Variants in SLC46A3 observed in about 807,000 individuals in gnomAD.
The protein encoded by SLC46A3 is lysosomal proton-coupled steroid conjugate and bile acid symporter SLC46A3.
SLC46A3 carries 26 observed loss-of-function variants against 38.5 expected under a neutral mutation model. The ratio of observed to expected loss-of-function variants is 0.68; its 90% CI spans 0.49 to 0.94. The LOEUF (loss-of-function observed/expected upper bound fraction) is 0.94. Among genes scored for constraint, SLC46A3 ranks in the 40% least tolerant of loss-of-function variants. The pLI, the probability that SLC46A3 is intolerant of heterozygous loss-of-function variation, is 0.00. For missense variants in SLC46A3, 510 were observed against 544.3 expected, an observed-to-expected ratio of 0.94 and a Z score of 0.63; for synonymous variants, 185 against 192.5, an observed-to-expected ratio of 0.96 and a Z score of 0.32.
intron 4 of SLC46A3, among the ~76,000 whole-genome samples, chr13:28,707,623 G>A (rs184721608): frequency 5.3e-4 from 81 of 152,178 alleles, no homozygotes; most frequent in African/African-American, 1.9e-3. Context: ...TATACCTCTT[G>A]ACAGCTCTAT....
chr13:28,712,923 C>CA lies in SLC46A3; in HGVS notation c.816dup (p.Val273CysfsTer13), dbSNP rs768002987. 4 of 1,608,818 alleles carry CA rather than the reference C, an allele frequency of 2.5e-6. No individual in the cohort carries two copies. The African/African-American group carries it at 5.4e-5, about 22-fold the overall frequency. ...AAAATTGGGGCAATGCCAATTACCACAAAAAAATAAGTGATTACTGTAAAA... is the reference window on the plus strand; with the variant it reads ...AAAATTGGGGCAATGCCAATTACCACAAAAAAAATAAGTGATTACTGTAAAA... On this transcript the variant is annotated frameshift_variant, in exon 3 of 6. Transcript: ENST00000266943. LOFTEE classifies it high-confidence loss of function.
chr13:28,707,572 A>G (rs1005461475), intron 4 of SLC46A3, among the ~76,000 whole-genome samples: 2 of 152,224 alleles, frequency 1.3e-5, no homozygotes, highest in African/African-American at 2.4e-5. Flanking sequence ...AAAATTTTAA[A>G]AAGCCTTTAT....
In SLC46A3 at chr13:28,717,795, A is replaced by AT; in HGVS notation, c.189+14dup. On this transcript the variant is annotated intron_variant, in intron 2 of 5. Coordinates refer to ENST00000266943, the MANE Select transcript of SLC46A3 (RefSeq NM_181785.4). ...TCCCATTTTATTAAATACTATGGATATTGTAATTTCTTACCTCCTGGAATG... is the reference window on the plus strand; with the variant it reads ...TCCCATTTTATTAAATACTATGGATATTTGTAATTTCTTACCTCCTGGAATG... 3.1e-6 allele frequency: 5 copies of AT among 1,608,810 alleles called. No homozygotes were observed. The highest frequency in any genetic ancestry group is 4.2e-6 in the Non-Finnish European group (5 of 1,176,874).
intron 2 of SLC46A3, among the ~76,000 whole-genome samples, 189 bp downstream of exon 2, chr13:28,717,621 G>A (rs545168352): frequency 1.3e-5 from 2 of 151,750 alleles, no homozygotes; most frequent in East Asian, 3.9e-4. Context: ...AGAAGAAGAG[G>A]CAGATTTGAA....
At chr13:28,702,863 A>G (rs540822529) in intron 5 of SLC46A3, among the ~76,000 whole-genome samples, 5 of 152,274 alleles carry the variant, frequency 3.3e-5, no homozygotes, top group South Asian at 2.1e-4. Context: ...GCCTTACCCC[A>G]AAGTGCTTAG....
In SLC46A3 at chr13:28,700,982, T is replaced by G; in HGVS notation, c.*515A>C. On this transcript the variant is annotated 3_prime_UTR_variant, in exon 6 of 6. Transcript: ENST00000266943. The stretch of plus-strand genomic sequence containing the variant: ...CTATAAAATAAAGCATTACCAAGTA[T>G]AGGTAAAATCATACATATTTGAAAC... The G allele has an allele frequency of 6.5e-7, 1 of 1,532,402 alleles. No individual in the cohort carries two copies. Among genetic ancestry groups the G allele is most frequent in the Non-Finnish European group, 8.8e-7 (1 of 1,133,652 alleles). The allele number at this position is 1,532,402 out of a possible 1,614,324, so 94.9% of individuals were successfully genotyped here.
rs868662950 is a variant in SLC46A3, at chr13:28,713,096, A to G, written c.644T>C (p.Leu215Ser). ...VSLAVNLIYILFFLGDPVKEC... is the reference protein window; with the variant it reads ...VSLAVNLIYISFFLGDPVKEC... ...TTTCACTGGATCTCCGAGAAAAAAT[A>G]AAATATAGATCAAATTAACAGCAAG... The change falls in exon 3 of 6, where the codon TTA (leucine) becomes TCA (serine). Residue 215 changes from leucine to serine, a missense_variant. Leu to Ser is a moderately radical substitution (Grantham distance 145, BLOSUM62 -2). Coordinates refer to ENST00000266943, the MANE Select transcript of SLC46A3 (RefSeq NM_181785.4). 6.2e-7 allele frequency: 1 copy of G among 1,612,090 alleles called. No individual in the cohort carries two copies. The highest frequency in any genetic ancestry group is 1.1e-5 in the South Asian group (1 of 90,678).
In SLC46A3 at chr13:28,717,827, T is replaced by TC; in HGVS notation, c.171_172insG (p.Ile58AspfsTer16). On this transcript the variant is annotated frameshift_variant, in exon 2 of 6. Transcript: ENST00000266943. LOFTEE classifies it high-confidence loss of function. ...TTTCTTACCTCCTGGAATGCAAAAATTGGGCTGCTTTTGTTTTTTTCACAC... is the reference window on the plus strand; with the variant it reads ...TTTCTTACCTCCTGGAATGCAAAAATCTGGGCTGCTTTTGTTTTTTTCACAC... The TC allele has an allele frequency of 6.2e-7, 1 of 1,613,076 alleles. No individual in the cohort carries two copies. The highest frequency in any genetic ancestry group is 1.1e-5 in the South Asian group (1 of 90,772).
chr13:28,706,122 T>C (rs541099593), intron 4 of SLC46A3, among the ~76,000 whole-genome samples: 1 of 152,338 alleles, frequency 6.6e-6, no homozygotes, highest in South Asian at 2.1e-4. Flanking sequence ...TCTGTTTTAC[T>C]GTCTCCCAAT....
rs372502164 is a variant in SLC46A3, at chr13:28,710,775, G to A, written c.1129C>T (p.Arg377Cys). The A allele has an allele frequency of 1.7e-5, 28 of 1,613,476 alleles. No individual in the cohort carries two copies. In the African/African-American group the frequency reaches 2.9e-4, roughly 17 times the overall value. ...VLRSMLSKVV[R>C]STEQGTLFAC... ...TTAAACTCACCTTGTTCAGTCGAAC[G>A]AACCACTTTTGACAACATGGACCGT... Residue 377 changes from arginine to cysteine, a missense_variant, in exon 4 of 6, where the codon CGT becomes TGT. Transcript: ENST00000266943.
intron 5 of SLC46A3, 122 bp downstream of exon 5, chr13:28,703,821 G>T: frequency 1.3e-6 from 1 of 795,142 alleles, no homozygotes; most frequent in Admixed American, 2.5e-5. Flanking sequence ...ATGTCTAAAA[G>T]TTCTTGAGAA....
Position 28,718,703 on chromosome 13 carries a change from A to G in SLC46A3, c.-232T>C, listed in dbSNP as rs2137847228. On this transcript the variant is annotated 5_prime_UTR_variant, in exon 1 of 6. Transcript: ENST00000266943. ...CTTTCCCGTCGAACTCGACCAAATT[A>G]CGCTTGTCGGGGAGTCTCAAGCGTA... is the stretch of plus-strand genomic sequence containing the variant. The G allele has an allele frequency of 6.6e-6, 1 of 152,336 alleles. No individual in the cohort carries two copies. Among genetic ancestry groups the G allele is most frequent in the South Asian group, 2.1e-4 (1 of 4,836 alleles). The allele number at this position is 152,336 out of a possible 1,614,324, so 9.4% of individuals were successfully genotyped here.
intron 2 of SLC46A3, among the ~76,000 whole-genome samples, chr13:28,714,385 G>A (rs574445953): frequency 6.6e-6 from 1 of 152,278 alleles, no homozygotes; most frequent in African/African-American, 2.4e-5. Flanking sequence ...CGAGGTGGGA[G>A]CATCACTTGT....
At chr13:28,701,708 T>C (rs1593183473) in intron 5 of SLC46A3, 127 bp from the exon 6 acceptor site, 1 of 826,882 alleles carries the variant, frequency 1.2e-6, no homozygotes, top group East Asian at 2.7e-5. Context: ...AGGAGGAGTA[T>C]CCTGGCATTT....
intron 5 of SLC46A3, among the ~76,000 whole-genome samples, chr13:28,702,024 C>T (rs1885036475): frequency 6.6e-6 from 1 of 152,044 alleles, no homozygotes; most frequent in South Asian, 2.1e-4. Flanking sequence ...AGGACAACTG[C>T]CTTTTATCTA....
At chr13:28,704,773 T>C (rs931931999) in intron 4 of SLC46A3, among the ~76,000 whole-genome samples, 1 of 152,210 alleles carries the variant, frequency 6.6e-6, no homozygotes, top group African/African-American at 2.4e-5. Flanking sequence ...TAATGTTAAG[T>C]GATTCTTTAA....
chr13:28,713,255 T>C lies in SLC46A3; in HGVS notation c.485A>G (p.His162Arg). The C allele has an allele frequency of 1.2e-6, 2 of 1,614,008 alleles. No homozygotes were observed. The highest frequency in any genetic ancestry group is 1.7e-6 in the Non-Finnish European group (2 of 1,180,020). Residue 162 changes from histidine (H) to arginine (R), a missense_variant, in exon 3 of 6, where the codon CAC (histidine) becomes CGC (arginine). Coordinates refer to ENST00000266943, the MANE Select transcript of SLC46A3 (RefSeq NM_181785.4). ...FAYIVDQCKE[H>R]KQKTIRIAII... The stretch of plus-strand genomic sequence containing the variant: ...AGCTATTCGAATTGTTTTTTGTTTG[T>C]GTTCTTTACACTGATCAACTATATA...
Position 28,704,019 on chromosome 13 carries a change from C to T in SLC46A3, c.1225G>A (p.Ala409Thr). Reference protein sequence around the residue: ...AVSTFNGIYSATVAWYPGFTF... With the variant: ...AVSTFNGIYSTTVAWYPGFTF... Reference sequence around the variant, plus strand: ...AAGCCAGGGTACCAAGCAACAGTGGCTGAGTAAATTCCATTAAAAGTAGAA... The same window carrying T: ...AAGCCAGGGTACCAAGCAACAGTGGTTGAGTAAATTCCATTAAAAGTAGAA... Residue 409 changes from alanine (A) to threonine (T), a missense_variant, in exon 5 of 6, where the codon GCC (alanine) becomes ACC (threonine). By Grantham distance (58) the Ala-to-Thr change is moderately conservative. Transcript: ENST00000266943. 1 of 1,613,630 alleles carries T rather than the reference C, an allele frequency of 6.2e-7. No individual in the cohort carries two copies. The highest frequency in any genetic ancestry group is 1.1e-5 in the South Asian group (1 of 91,064).
rs1884976734 is a variant in SLC46A3 at position 28,700,208 on chromosome 13, CA to C, written c.*1288del. 6.6e-6 allele frequency: 1 copy of C among 151,896 alleles called. No homozygotes were observed. 9.4% of individuals were successfully genotyped at this position (151,896 alleles called of 1,614,324 possible). A position where few individuals can be genotyped will look rare whatever the true frequency, so the allele number is the denominator to read the frequency against. ...GAAAATGCTGGGATCGAAGTGCACA[CA>C]AAGAGCTATGGAAGCCCTGTAGGGA... is the stretch of plus-strand genomic sequence containing the variant. On this transcript the variant is annotated 3_prime_UTR_variant, in exon 6 of 6. Transcript: ENST00000266943.
Sources: gnomAD v4.1 joint callset for allele counts (sites outside exome capture counted in the v4.1 genomes callset) on GRCh38, gnomAD v4.1.1 for gene constraint, MANE v1.5 for transcripts, NCBI Gene and HGNC (gene_info 2026-07-23, HGNC 2026-07-21) for gene names.